KIF16B: variants seen among roughly 807,000 people sequenced by gnomAD.
KIF16B encodes kinesin-like protein KIF16B.
In KIF16B, 98 loss-of-function variants were observed where a neutral mutation model predicts 156.3. That is an observed-to-expected ratio of 0.63 (90% CI 0.53 to 0.74). The LOEUF is 0.74. Ranked by LOEUF, KIF16B falls within the 30% of genes least tolerant of loss-of-function variation. The probability of loss-of-function intolerance (pLI) is 0.00; values close to 1 mark genes in which losing one functional copy is unlikely to be tolerated. For missense variants in KIF16B, 1,421 were observed against 1,606.5 expected (o/e 0.88, Z 1.97); for synonymous variants, 564 against 583.7 (o/e 0.97, Z 0.49).
chr20:16,543,343 T>C (rs79767013), intron 1 of KIF16B, among the ~76,000 whole-genome samples: 5,214 of 152,262 alleles, frequency 0.034, 273 homozygotes, highest in African/African-American at 0.12. Context: ...GAACAGACTA[T>C]GCCTTTAGGG....
intron 24 of KIF16B, among the ~76,000 whole-genome samples, chr20:16,333,202 C>T (rs1046498304): frequency 3.3e-5 from 5 of 152,104 alleles, no homozygotes; most frequent in African/African-American, 7.2e-5. Context: ...TTGCTCTTCC[C>T]GTGAGTTACA....
At chr20:16,305,011 T>C (rs2063521881) in intron 25 of KIF16B, among the ~76,000 whole-genome samples, 2 of 152,170 alleles carry the variant, frequency 1.3e-5, no homozygotes, top group Non-Finnish European at 2.9e-5. Flanking sequence ...CCATTACTAA[T>C]ACCTGTATTT....
intron 12 of KIF16B, among the ~76,000 whole-genome samples, chr20:16,444,033 G>T (rs900568208): frequency 6.6e-6 from 1 of 152,216 alleles, no homozygotes; most frequent in African/African-American, 2.4e-5. Context: ...TATGTGCAGT[G>T]CAAGCCAGCT....
intron 22 of KIF16B, chr20:16,368,928 A>C: frequency 2.0e-6 from 2 of 985,858 alleles, no homozygotes; most frequent in Non-Finnish European, 2.4e-6. Context: ...ACTGACTCTG[A>C]AAATCTTCTG....
At chr20:16,289,907 C>T (rs1032080327) in intron 25 of KIF16B, among the ~76,000 whole-genome samples, 2 of 152,256 alleles carry the variant, frequency 1.3e-5, no homozygotes. Flanking sequence ...AATGGAAAAT[C>T]ACATTTAAAA....
At chr20:16,543,690 C>T (rs2147245775) in intron 1 of KIF16B, among the ~76,000 whole-genome samples, 1 of 152,286 alleles carries the variant, frequency 6.6e-6, no homozygotes, top group Non-Finnish European at 1.5e-5. Flanking sequence ...TTTGGATACT[C>T]CGCAGAAAGG....
chr20:16,367,386 A>G, intron 22 of KIF16B: 1 of 1,612,922 alleles, frequency 6.2e-7, no homozygotes, highest in East Asian at 2.2e-5. Context: ...CTGGAACAAC[A>G]ACACACCTGA....
chr20:16,527,596 A>G (rs1388461606), intron 2 of KIF16B, among the ~76,000 whole-genome samples: 2 of 152,074 alleles, frequency 1.3e-5, no homozygotes, highest in African/African-American at 4.8e-5. Context: ...TGTTTGTTTG[A>G]GATGGGGTCT....
At chr20:16,457,985 G>A (rs546206907) in intron 12 of KIF16B, among the ~76,000 whole-genome samples, 1 of 152,040 alleles carries the variant, frequency 6.6e-6, no homozygotes. Context: ...GTTTTAGGAG[G>A]TGACAGAGAG....
At position 16,540,199 on chromosome 20, in the gene KIF16B, A is replaced by G. The variant is rs539051009; in HGVS notation, c.48-11759T>C. ...TTTGCAGCTCAATAAATAGATTAAT[A>G]AAGCCAAAATAATATGCGCGTCTAT... On this transcript the variant is annotated intron_variant, in intron 1 of 25. Transcript: ENST00000354981. 3.9e-5 allele frequency among the ~76,000 whole-genome samples: 6 copies of G among 152,356 alleles called. No homozygotes were observed. In the South Asian group the frequency reaches 1.2e-3, roughly 32 times the overall value.
chr20:16,514,580 A>AAG (rs1430744065), intron 4 of KIF16B, among the ~76,000 whole-genome samples: 4 of 124,148 alleles, frequency 3.2e-5, no homozygotes, highest in Admixed American at 8.2e-5. Flanking sequence ...ACTAAGAAAT[A>AAG]AGAAAAAAAA....
intron 16 of KIF16B, among the ~76,000 whole-genome samples, chr20:16,405,868 T>C (rs1413503617): frequency 3.3e-5 from 5 of 152,138 alleles, no homozygotes; most frequent in South Asian, 2.1e-4. Context: ...CTTTCTCTGG[T>C]CCTTAGCTCC....
At position 16,501,819 on chromosome 20, in the gene KIF16B, G is replaced by A. The variant is rs1375497529; in HGVS notation, c.1176+2553C>T. Among the ~76,000 whole-genome samples, 3 of 152,140 alleles carry A rather than the reference G, an allele frequency of 2.0e-5. No individual in the cohort carries two copies. The East Asian group carries it at 5.8e-4, about 29-fold the overall frequency. Reference sequence around the variant, plus strand: ...GCAAAAATAAAAACTAACAAAGCCTGTAGAGGTCAGGAGAGTGGCTACCCT... The same window carrying A: ...GCAAAAATAAAAACTAACAAAGCCTATAGAGGTCAGGAGAGTGGCTACCCT... On this transcript the variant is annotated intron_variant, in intron 10 of 25. Coordinates refer to ENST00000354981, the MANE Select transcript of KIF16B (RefSeq NM_024704.5).
intron 3 of KIF16B, 114 bp from the exon 4 acceptor site, chr20:16,515,778 T>C (rs1357637003): frequency 9.7e-6 from 6 of 618,382 alleles, no homozygotes; most frequent in African/African-American, 5.5e-5. Flanking sequence ...GATTAGACCA[T>C]ATAAATAAAT....
chr20:16,346,421 G>A (rs988308108), intron 23 of KIF16B, among the ~76,000 whole-genome samples: 2 of 152,088 alleles, frequency 1.3e-5, no homozygotes, highest in African/African-American at 2.4e-5. Flanking sequence ...ATGCATCACC[G>A]ACAAGTACAG....
chr20:16,451,007 C>T (rs1473535225), intron 12 of KIF16B, among the ~76,000 whole-genome samples: 1 of 152,136 alleles, frequency 6.6e-6, no homozygotes, highest in African/African-American at 2.4e-5. Context: ...CATACCTGCG[C>T]GTTTACAGAC....
At chr20:16,329,075 A>G (rs1311315740) in intron 24 of KIF16B, among the ~76,000 whole-genome samples, 1 of 152,188 alleles carries the variant, frequency 6.6e-6, no homozygotes, top group Non-Finnish European at 1.5e-5. Flanking sequence ...AATCTCTTGG[A>G]AGCAGTAACT....
Position 16,484,575 on chromosome 20 carries a change from G to A in KIF16B, c.1302+9716C>T, listed in dbSNP as rs575361284. On this transcript the variant is annotated intron_variant, in intron 12 of 25. Transcript: ENST00000354981. Reference sequence around the variant, plus strand: ...TGCATACTATATAAAGTACAGTAACGTATTTTTTCTCTTGTTTTAAGAACA... The same window carrying A: ...TGCATACTATATAAAGTACAGTAACATATTTTTTCTCTTGTTTTAAGAACA... 2.6e-4 allele frequency among the ~76,000 whole-genome samples: 39 copies of A among 152,238 alleles called. No individual in the cohort carries two copies. In the South Asian group the frequency reaches 3.5e-3, roughly 14 times the overall value.
At position 16,272,541 on chromosome 20, in the gene KIF16B, A is replaced by C. The variant is rs1053266338; in HGVS notation, c.*712T>G. 6.6e-6 allele frequency: 1 copy of C among 152,596 alleles called. No homozygotes were observed. The highest frequency in any genetic ancestry group is 1.5e-5 in the Non-Finnish European group (1 of 68,034). The allele number at this position is 152,596 out of a possible 1,614,324, so 9.5% of individuals were successfully genotyped here. On this transcript the variant is annotated 3_prime_UTR_variant, in exon 26 of 26. Transcript: ENST00000354981. ...CACAGTAGCCATTTAGATTTGGGAG[A>C]ATGTTCTTGAATATTCAAGGTTAAA...
Sources: allele counts gnomAD v4.1 joint callset (sites outside exome capture counted in the v4.1 genomes callset), GRCh38; gene constraint gnomAD v4.1.1; transcripts MANE v1.5; gene names NCBI Gene and HGNC (gene_info 2026-07-23, HGNC 2026-07-21).